HSPA4: variants seen among roughly 807,000 people sequenced by gnomAD.
The protein encoded by HSPA4 is heat shock protein family A (Hsp70) member 4.
A neutral mutation model predicts 106.2 loss-of-function variants in HSPA4; 25 were observed. The observed-to-expected ratio is 0.24, with a 90% confidence interval of 0.17 to 0.33. HSPA4 has a LOEUF of 0.33. HSPA4 is among the 10% of genes least tolerant of loss of function. The pLI is 1.00. For synonymous variants in HSPA4, 332 were observed against 333.6 expected (o/e 1.00, Z 0.05); for missense variants, 841 against 996.0 (o/e 0.84, Z 2.10).
At chr5:133,054,947 G>C (rs1765140579) in intron 1 of HSPA4, among the ~76,000 whole-genome samples, 2 of 152,182 alleles carry the variant, frequency 1.3e-5, no homozygotes, top group Non-Finnish European at 2.9e-5. Flanking sequence ...GTATGGGGAA[G>C]AACAGTGTTC....
At chr5:133,103,263 G>A (rs1032953925) in intron 17 of HSPA4, among the ~76,000 whole-genome samples, 2 of 151,658 alleles carry the variant, frequency 1.3e-5, no homozygotes, top group African/African-American at 4.8e-5. Context: ...GGCTCATTGT[G>A]TTGTCCAGGT....
rs550810608 is a variant in HSPA4 at position 133,071,216 on chromosome 5, GT to G, written c.429+721del. Among the ~76,000 whole-genome samples the G allele has an allele frequency of 4.7e-4, 69 of 147,884 alleles. No homozygotes were observed. In the East Asian group the frequency reaches 9.7e-3, roughly 21 times the overall value. On this transcript the variant is annotated intron_variant, in intron 4 of 18. Coordinates refer to ENST00000304858, the MANE Select transcript of HSPA4 (RefSeq NM_002154.4). ...GGCATGGTGGTTTAATCCCAGCACTGTGGGAGGCCAGGGCAGGAAGATTGTT... is the reference window on the plus strand; with the variant it reads ...GGCATGGTGGTTTAATCCCAGCACTGGGGAGGCCAGGGCAGGAAGATTGTT...
At chr5:133,092,906 C>T (rs1409538212) in intron 13 of HSPA4, 117 bp downstream of exon 13, 8 of 617,188 alleles carry the variant, frequency 1.3e-5, no homozygotes, top group Admixed American at 1.3e-4. Flanking sequence ...CTGCATCCTC[C>T]ACCTCCTGGG....
chr5:133,101,477 G>A (rs1765784247), intron 16 of HSPA4: 1 of 258,736 alleles, frequency 3.9e-6, no homozygotes, highest in African/African-American at 2.2e-5. Context: ...TTTATATTTA[G>A]TACTGTGTAT....
At chr5:133,058,683 C>T (rs1765198128) in intron 1 of HSPA4, among the ~76,000 whole-genome samples, 1 of 150,440 alleles carries the variant, frequency 6.6e-6, no homozygotes. Context: ...CATCTCAAAA[C>T]CCCAAAAACA....
rs1019791769 is a variant in HSPA4 at position 133,067,325 on chromosome 5, A to G, written c.166-92A>G. ...CAAAACCAAGAAGGAGACTCTATAT[A>G]AAGTTAAAATGTTGCTAATTTAATC... On this transcript the variant is annotated intron_variant, in intron 2 of 18. Coordinates refer to ENST00000304858, the MANE Select transcript of HSPA4 (RefSeq NM_002154.4). 2.4e-5 allele frequency: 27 copies of G among 1,115,966 alleles called. No individual in the cohort carries two copies. The East Asian group carries it at 6.6e-4, about 27-fold the overall frequency. 69.1% of individuals were successfully genotyped at this position (1,115,966 alleles called of 1,614,324 possible). A position where few individuals can be genotyped will look rare whatever the true frequency, so the allele number is the denominator to read the frequency against.
chr5:133,072,567 T>A (rs534208383), intron 4 of HSPA4, among the ~76,000 whole-genome samples: 19 of 151,228 alleles, frequency 1.3e-4, no homozygotes, highest in African/African-American at 3.1e-4. Flanking sequence ...GGTTTATTTT[T>A]TTTTTTTTTT....
chr5:133,104,158 C>A, intron 18 of HSPA4, 75 bp from the exon 19 acceptor site: 1 of 1,486,122 alleles, frequency 6.7e-7, no homozygotes, highest in Non-Finnish European at 9.3e-7. Context: ...TGGGAGAGGG[C>A]GGATTTGGGT....
At chr5:133,068,038 A>C (rs1314747317) in intron 3 of HSPA4, among the ~76,000 whole-genome samples, 1 of 151,696 alleles carries the variant, frequency 6.6e-6, no homozygotes. Flanking sequence ...GATTACAGGC[A>C]CGTGCCACCA....
At chr5:133,077,821 A>G (rs1214790777) in intron 7 of HSPA4, among the ~76,000 whole-genome samples, 2 of 152,020 alleles carry the variant, frequency 1.3e-5, no homozygotes, top group Non-Finnish European at 2.9e-5. Flanking sequence ...TTTGTATCCA[A>G]ATTTTTAGTC....
chr5:133,052,266 A>G lies in HSPA4; in HGVS notation c.16A>G (p.Ile6Val), dbSNP rs368790260. The change falls in exon 1 of 19, where the codon ATA becomes GTA. Residue 6 changes from isoleucine (I) to valine (V), a missense_variant. Physicochemically the swap from Ile to Val is conservative, Grantham distance 29 (BLOSUM62 3). Around this residue, in one of 5 missense-constraint regions of HSPA4, gnomAD observed 347 missense variants for 408.7 expected, o/e 0.85. Transcript: ENST00000304858. The stretch of plus-strand genomic sequence containing the variant: ...AGCCGGCGCCATGTCGGTGGTGGGC[A>G]TAGACCTGGGCTTCCAGAGCTGCTA... MSVVGIDLGFQSCYVA... is the reference protein window; with the variant it reads MSVVGVDLGFQSCYVA... The G allele has an allele frequency of 9.4e-6, 15 of 1,593,338 alleles. No homozygotes were observed. The highest frequency in any genetic ancestry group is 1.3e-5 in the Non-Finnish European group (15 of 1,173,246).
At chr5:133,052,907 G>C (rs1236877992) in intron 1 of HSPA4, 2 of 152,738 alleles carry the variant, frequency 1.3e-5, no homozygotes, top group East Asian at 3.8e-4. Flanking sequence ...GTTCCGGATG[G>C]ACTCGGGGTC....
intron 1 of HSPA4, among the ~76,000 whole-genome samples, chr5:133,056,745 A>T (rs1481424745): frequency 6.6e-6 from 1 of 152,228 alleles, no homozygotes; most frequent in Non-Finnish European, 1.5e-5. Flanking sequence ...TAAGGGATAT[A>T]CTGTATATAC....
chr5:133,057,972 G>A lies in HSPA4; in HGVS notation c.107+5615G>A, dbSNP rs1179208595. ...GTGTGATACAGACCTAAAATACCAT[G>A]TTCAAAGGAGATGTAAGCAGTGGAG... On this transcript the variant is annotated intron_variant, in intron 1 of 18. Coordinates refer to ENST00000304858, the MANE Select transcript of HSPA4 (RefSeq NM_002154.4). 6.6e-5 allele frequency among the ~76,000 whole-genome samples: 10 copies of A among 152,340 alleles called. No individual in the cohort carries two copies. The South Asian group carries it at 1.7e-3, about 25-fold the overall frequency.
At chr5:133,098,597 A>C (rs1326565965) in intron 15 of HSPA4, among the ~76,000 whole-genome samples, 1 of 151,968 alleles carries the variant, frequency 6.6e-6, no homozygotes, top group African/African-American at 2.4e-5. Flanking sequence ...TGCTGGGATT[A>C]CAGGCGTGAG....
chr5:133,098,355 A>G (rs1765740801), intron 15 of HSPA4, among the ~76,000 whole-genome samples: 2 of 152,086 alleles, frequency 1.3e-5, no homozygotes, highest in African/African-American at 4.8e-5. Context: ...TCTGTCGCCC[A>G]GGCTGGAGTG....
chr5:133,088,465 G>C lies in HSPA4; in HGVS notation c.1047G>C (p.Ala349=). 1 of 1,612,652 alleles carries C rather than the reference G, an allele frequency of 6.2e-7. No homozygotes were observed. The highest frequency in any genetic ancestry group is 8.5e-7 in the Non-Finnish European group (1 of 1,178,736). Residue 349 remains alanine (A), a synonymous_variant, in exon 9 of 19, where the codon GCG becomes GCC. Coordinates refer to ENST00000304858, the MANE Select transcript of HSPA4 (RefSeq NM_002154.4). Reference sequence around the variant, plus strand: ...TTGGTGGTGCTACACGAATCCCTGCGGTAAAAGAGAAGATCAGCAAATTTT... The same window carrying C: ...TTGGTGGTGCTACACGAATCCCTGCCGTAAAAGAGAAGATCAGCAAATTTT... The part of the protein sequence containing the change: ...EIVGGATRIP[A]VKEKISKFFG...
intron 4 of HSPA4, among the ~76,000 whole-genome samples, chr5:133,072,562 ATTTT>A (rs1221515710): frequency 5.4e-5 from 7 of 130,116 alleles, no homozygotes; most frequent in East Asian, 2.1e-4. Flanking sequence ...CTAGTGGTTT[ATTTT>A]TTTTTTTTTT....
chr5:133,081,359 T>C (rs1460567111), intron 7 of HSPA4, among the ~76,000 whole-genome samples: 1 of 152,206 alleles, frequency 6.6e-6, no homozygotes, highest in Non-Finnish European at 1.5e-5. Context: ...GTGAAATATT[T>C]TAAAAATGTG....
Sources: allele counts gnomAD v4.1 joint callset (sites outside exome capture counted in the v4.1 genomes callset), GRCh38; gene constraint gnomAD v4.1.1; regional missense constraint gnomAD v4.1.1; transcripts MANE v1.5; gene names NCBI Gene and HGNC (gene_info 2026-07-23, HGNC 2026-07-21).